TSPAN5: variants seen among roughly 807,000 people sequenced by gnomAD.
The protein encoded by TSPAN5 is tetraspanin 5.
A neutral mutation model predicts 37.1 loss-of-function variants in TSPAN5; 10 were observed. That is an observed-to-expected ratio of 0.27 (90% CI 0.17 to 0.46). TSPAN5 has a LOEUF of 0.46. Ranked by LOEUF, TSPAN5 falls within the 20% of genes least tolerant of loss-of-function variation. The probability of loss-of-function intolerance (pLI) is 1.00; values close to 1 mark genes in which losing one functional copy is unlikely to be tolerated. For synonymous variants in TSPAN5, 110 were observed against 118.9 expected, an observed-to-expected ratio of 0.93 and a Z score of 0.48; for missense variants, 195 against 326.6, an observed-to-expected ratio of 0.60 and a Z score of 3.11.
At chr4:98,646,243 G>C (rs537913243) in intron 1 of TSPAN5, among the ~76,000 whole-genome samples, 19 of 152,138 alleles carry the variant, frequency 1.2e-4, no homozygotes, top group Non-Finnish European at 1.2e-4. Flanking sequence ...CAGCTGGAAG[G>C]ACATATAAGG....
At chr4:98,519,344 A>G (rs1753804271) in intron 1 of TSPAN5, among the ~76,000 whole-genome samples, 1 of 152,042 alleles carries the variant, frequency 6.6e-6, no homozygotes, top group African/African-American at 2.4e-5. Flanking sequence ...AATAAAATTA[A>G]AAAGATTAGC....
chr4:98,530,396 T>C (rs991061833), intron 1 of TSPAN5, among the ~76,000 whole-genome samples: 6 of 152,154 alleles, frequency 3.9e-5, no homozygotes, highest in East Asian at 1.9e-4. Context: ...ATCCCCATCA[T>C]ACAAATGAGG....
chr4:98,645,124 T>C (rs954548101), intron 1 of TSPAN5, among the ~76,000 whole-genome samples: 1 of 152,188 alleles, frequency 6.6e-6, no homozygotes, highest in African/African-American at 2.4e-5. Context: ...GGTTTTCAAC[T>C]ATCTTTTCAT....
At position 98,471,244 on chromosome 4, in the gene TSPAN5, GA is replaced by G. The variant is rs2110248578; in HGVS notation, c.*1277del. The G allele has an allele frequency of 6.6e-6, 1 of 152,268 alleles. No homozygotes were observed. Among genetic ancestry groups the G allele is most frequent in the Non-Finnish European group, 1.5e-5 (1 of 68,036 alleles). 9.4% of individuals were successfully genotyped at this position (152,268 alleles called of 1,614,324 possible). On this transcript the variant is annotated 3_prime_UTR_variant, in exon 8 of 8. Coordinates refer to ENST00000305798, the MANE Select transcript of TSPAN5 (RefSeq NM_005723.4). ...TAATAAAAGCAAACTAAAACTGGAG[GA>G]AGAAAAAGAAACCATTAGAAGCTTT...
intron 1 of TSPAN5, among the ~76,000 whole-genome samples, chr4:98,523,835 G>A (rs990269421): frequency 6.6e-6 from 1 of 152,190 alleles, no homozygotes; most frequent in African/African-American, 2.4e-5. Context: ...ACAGCCAAAT[G>A]AGCCTGACCT....
intron 1 of TSPAN5, among the ~76,000 whole-genome samples, chr4:98,601,569 G>C (rs1035770362): frequency 2.6e-5 from 4 of 152,190 alleles, no homozygotes; most frequent in African/African-American, 9.7e-5. Flanking sequence ...AACCTTCACA[G>C]AATTGAAGAC....
At chr4:98,651,851 T>C (rs1028373861) in intron 1 of TSPAN5, among the ~76,000 whole-genome samples, 2 of 150,654 alleles carry the variant, frequency 1.3e-5, no homozygotes, top group African/African-American at 4.9e-5. Context: ...TTGTAATTCT[T>C]TCCTTCAACA....
chr4:98,653,252 C>G (rs975410564), intron 1 of TSPAN5, among the ~76,000 whole-genome samples: 2 of 151,850 alleles, frequency 1.3e-5, no homozygotes, highest in Non-Finnish European at 2.9e-5. Flanking sequence ...TACTTGATGC[C>G]CCCCCTCCCC....
chr4:98,632,410 A>T (rs1756768238), intron 1 of TSPAN5, among the ~76,000 whole-genome samples: 1 of 152,142 alleles, frequency 6.6e-6, no homozygotes, highest in Non-Finnish European at 1.5e-5. Flanking sequence ...CTTTTACCTG[A>T]ATGACTACAT....
intron 1 of TSPAN5, among the ~76,000 whole-genome samples, chr4:98,526,834 T>A (rs1430556123): frequency 6.6e-6 from 1 of 152,190 alleles, no homozygotes; most frequent in East Asian, 1.9e-4. Context: ...TGAAATGGAA[T>A]AGAATGCTAT....
At chr4:98,632,787 G>C (rs1756776259) in intron 1 of TSPAN5, among the ~76,000 whole-genome samples, 1 of 152,206 alleles carries the variant, frequency 6.6e-6, no homozygotes. Context: ...CTGGGGATGG[G>C]GAGGAGGACT....
At chr4:98,483,375 A>G (rs1752889288) in intron 3 of TSPAN5, 1 of 152,260 alleles carries the variant, frequency 6.6e-6, no homozygotes, top group Non-Finnish European at 1.5e-5. Context: ...GTTACTCATT[A>G]AAAGAACAAA....
intron 1 of TSPAN5, among the ~76,000 whole-genome samples, chr4:98,548,174 T>TCAC (rs1397547576): frequency 6.6e-6 from 1 of 152,130 alleles, no homozygotes; most frequent in Non-Finnish European, 1.5e-5. Flanking sequence ...CTAGTATGTA[T>TCAC]CACCTTTCCT....
At chr4:98,541,692 AAAAG>A (rs1754362277) in intron 1 of TSPAN5, among the ~76,000 whole-genome samples, 5 of 92,020 alleles carry the variant, frequency 5.4e-5, no homozygotes, top group South Asian at 5.3e-4. Context: ...AAAAAAAAAA[AAAAG>A]AGAGAGAGAG....
At chr4:98,565,862 T>C (rs573431273) in intron 1 of TSPAN5, among the ~76,000 whole-genome samples, 1 of 152,278 alleles carries the variant, frequency 6.6e-6, no homozygotes, top group Admixed American at 6.5e-5. Context: ...TGCAACAAAG[T>C]GGTCCAACCA....
intron 1 of TSPAN5, 50 bp downstream of exon 1, chr4:98,658,096 G>T: frequency 6.6e-7 from 1 of 1,516,022 alleles, no homozygotes; most frequent in Non-Finnish European, 9.2e-7. Context: ...GGAAATCGTC[G>T]CGAATCGATC....
At chr4:98,578,894 C>T (rs1017315224) in intron 1 of TSPAN5, among the ~76,000 whole-genome samples, 2 of 152,120 alleles carry the variant, frequency 1.3e-5, no homozygotes, top group African/African-American at 4.8e-5. Flanking sequence ...CCCTAAAGCA[C>T]ACCTCCCACT....
intron 1 of TSPAN5, among the ~76,000 whole-genome samples, chr4:98,515,586 TAC>T (rs1255340245): frequency 1.3e-4 from 19 of 151,618 alleles, no homozygotes; most frequent in Non-Finnish European, 2.7e-4. Flanking sequence ...ATTTGACATT[TAC>T]ACACACACAC....
At position 98,482,186 on chromosome 4, in the gene TSPAN5, A is replaced by T; in HGVS notation, c.280-11T>A. 1 of 1,613,212 alleles carries T rather than the reference A, an allele frequency of 6.2e-7. No homozygotes were observed. The highest frequency in any genetic ancestry group is 8.5e-7 in the Non-Finnish European group (1 of 1,179,664). Reference sequence around the variant, plus strand: ...CAGGAACACAGAAAACTAAGATAAAAGACACATACACAGAGAACAGTTATA... The same window carrying T: ...CAGGAACACAGAAAACTAAGATAAATGACACATACACAGAGAACAGTTATA... On this transcript the variant is annotated splice_polypyrimidine_tract_variant and intron_variant, in intron 3 of 7. Coordinates refer to ENST00000305798, the MANE Select transcript of TSPAN5 (RefSeq NM_005723.4).
Sources: gnomAD v4.1 joint callset for allele counts (sites outside exome capture counted in the v4.1 genomes callset) on GRCh38, gnomAD v4.1.1 for gene constraint, MANE v1.5 for transcripts, NCBI Gene and HGNC (gene_info 2026-07-23, HGNC 2026-07-21) for gene names.